Variants in CHN1 observed in about 807,000 individuals in gnomAD.
CHN1 encodes chimerin 1.
In CHN1, 37 loss-of-function variants were observed where a neutral mutation model predicts 59.5. That is an observed-to-expected ratio of 0.62 (90% confidence interval 0.48 to 0.82). The LOEUF is 0.82. Among genes scored for constraint, CHN1 ranks in the 40% least tolerant of loss-of-function variants. The pLI, the probability that CHN1 is intolerant of heterozygous loss-of-function variation, is 0.00. For synonymous variants in CHN1, 206 were observed against 200.4 expected, an observed-to-expected ratio of 1.03 and a Z score of -0.24; for missense variants, 469 against 571.0, an observed-to-expected ratio of 0.82 and a Z score of 1.82.
At chr2:174,945,297 T>C in intron 2 of CHN1, 1 of 274,294 alleles carries the variant, frequency 3.6e-6, no homozygotes, top group Non-Finnish European at 7.9e-6. Context: ...TATATACATA[T>C]ATTTAAAGCA....
chr2:174,864,176 T>C (rs190027733), intron 6 of CHN1, among the ~76,000 whole-genome samples: 133 of 152,276 alleles, frequency 8.7e-4, no homozygotes, highest in Non-Finnish European at 2.5e-4. Context: ...ATAAACTCTC[T>C]ACAGTAAGTG....
At chr2:174,987,468 C>T (rs1446113460) in intron 1 of CHN1, among the ~76,000 whole-genome samples, 1 of 150,230 alleles carries the variant, frequency 6.7e-6, no homozygotes, top group East Asian at 2.0e-4. Flanking sequence ...AGTACAGTGG[C>T]GCAATCTCGG....
At chr2:174,912,260 C>T (rs965300812) in intron 5 of CHN1, among the ~76,000 whole-genome samples, 6 of 151,988 alleles carry the variant, frequency 3.9e-5, no homozygotes, top group Admixed American at 6.6e-5. Flanking sequence ...GTATTTGATA[C>T]GAAGTATAGT....
intron 5 of CHN1, among the ~76,000 whole-genome samples, chr2:174,886,640 AT>A (rs1687903524): frequency 1.3e-5 from 2 of 152,112 alleles, no homozygotes; most frequent in South Asian, 2.1e-4. Flanking sequence ...GGCATTTCCC[AT>A]TTATTTCCAG....
chr2:174,945,214 T>C, intron 2 of CHN1: 1 of 479,008 alleles, frequency 2.1e-6, no homozygotes, highest in Non-Finnish European at 4.1e-6. Flanking sequence ...TTCTCCATAA[T>C]CTGGTCATTT....
chr2:174,989,766 G>A (rs1269097054), intron 1 of CHN1, among the ~76,000 whole-genome samples: 1 of 151,776 alleles, frequency 6.6e-6, no homozygotes, highest in African/African-American at 2.4e-5. Context: ...CTGCAGCCTG[G>A]GAAACACAGT....
At chr2:174,975,409 C>G (rs770635245) in intron 1 of CHN1, among the ~76,000 whole-genome samples, 1 of 152,050 alleles carries the variant, frequency 6.6e-6, no homozygotes, top group Non-Finnish European at 1.5e-5. Context: ...GTTCTCCCTT[C>G]TCTATATTAT....
At chr2:174,962,061 C>G (rs899044515) in intron 1 of CHN1, among the ~76,000 whole-genome samples, 3 of 152,034 alleles carry the variant, frequency 2.0e-5, no homozygotes, top group Non-Finnish European at 4.4e-5. Context: ...CCGAGGCAGA[C>G]AGATCACGAG....
At chr2:174,993,295 T>C (rs1046353246) in intron 1 of CHN1, among the ~76,000 whole-genome samples, 3 of 151,336 alleles carry the variant, frequency 2.0e-5, no homozygotes, top group Non-Finnish European at 2.9e-5. Context: ...ATATTCGGAA[T>C]TGAGTCCAAT....
intron 1 of CHN1, among the ~76,000 whole-genome samples, chr2:174,991,443 T>G (rs1347650097): frequency 6.6e-6 from 1 of 152,216 alleles, no homozygotes; most frequent in Non-Finnish European, 1.5e-5. Context: ...TTATAGATAC[T>G]GTTTAGTGTC....
chr2:174,896,858 A>G (rs981519402), intron 5 of CHN1, among the ~76,000 whole-genome samples: 1 of 152,190 alleles, frequency 6.6e-6, no homozygotes, highest in Non-Finnish European at 1.5e-5. Flanking sequence ...TGGTTAATGA[A>G]TATCACCACC....
chr2:174,987,559 C>G (rs1237568253), intron 1 of CHN1, among the ~76,000 whole-genome samples: 1 of 151,948 alleles, frequency 6.6e-6, no homozygotes, highest in South Asian at 2.1e-4. Context: ...AAGCGCCTAC[C>G]ACCACTAATT....
chr2:174,877,723 G>A (rs766504479), intron 6 of CHN1, 117 bp downstream of exon 6: 22 of 831,258 alleles, frequency 2.6e-5, no homozygotes, highest in Non-Finnish European at 3.2e-5. Context: ...TAGACATTAA[G>A]AAAAATGAAT....
chr2:174,821,483 C>T (rs1027534930), intron 8 of CHN1, among the ~76,000 whole-genome samples: 69 of 152,144 alleles, frequency 4.5e-4, no homozygotes, highest in African/African-American at 1.7e-3. Context: ...TTGAAAGTGT[C>T]CCCTCAAAAA....
chr2:174,814,712 T>C (rs1685187387), intron 8 of CHN1, among the ~76,000 whole-genome samples: 1 of 152,292 alleles, frequency 6.6e-6, no homozygotes. Flanking sequence ...TGAAAGGCCT[T>C]TTCTATGTCG....
At chr2:174,845,191 T>A (rs1314012285) in intron 7 of CHN1, among the ~76,000 whole-genome samples, 1 of 152,216 alleles carries the variant, frequency 6.6e-6, no homozygotes, top group Non-Finnish European at 1.5e-5. Context: ...GCATGTATAA[T>A]GAACTTGACC....
intron 1 of CHN1, among the ~76,000 whole-genome samples, chr2:175,004,168 T>C (rs527587912): frequency 6.6e-6 from 1 of 152,346 alleles, no homozygotes; most frequent in Admixed American, 6.5e-5. Context: ...AATGTATCTT[T>C]TCAGTCCTTT....
intron 3 of CHN1, among the ~76,000 whole-genome samples, chr2:174,919,209 T>C (rs1454740633): frequency 1.3e-5 from 2 of 152,212 alleles, no homozygotes; most frequent in Non-Finnish European, 2.9e-5. Context: ...GGAACTTACA[T>C]TCTAATAGTG....
intron 5 of CHN1, among the ~76,000 whole-genome samples, chr2:174,895,418 G>A (rs2105350951): frequency 6.6e-6 from 1 of 152,174 alleles, no homozygotes; most frequent in East Asian, 1.9e-4. Context: ...CTGCTATGGG[G>A]TAGGAGGAAG....
Sources: allele counts gnomAD v4.1 joint callset (sites outside exome capture counted in the v4.1 genomes callset), GRCh38; gene constraint gnomAD v4.1.1; transcripts MANE v1.5; gene names NCBI Gene and HGNC (gene_info 2026-07-23, HGNC 2026-07-21).